ALG8: variants seen among roughly 807,000 people sequenced by gnomAD.
ALG8 encodes ALG8 alpha-1,3-glucosyltransferase, also known as dolichyl pyrophosphate Glc1Man9GlcNAc2 alpha-1,3-glucosyltransferase.
A neutral mutation model predicts 70.2 loss-of-function variants in ALG8; 48 were observed. That is an observed-to-expected ratio of 0.68 (90% confidence interval 0.54 to 0.87). The LOEUF (loss-of-function observed/expected upper bound fraction) is 0.87. Among genes scored for constraint, ALG8 ranks in the 40% least tolerant of loss-of-function variants. The probability of loss-of-function intolerance (pLI) is 0.00; values close to 1 mark genes in which losing one functional copy is unlikely to be tolerated. For synonymous variants in ALG8, 234 were observed against 229.0 expected (o/e 1.02, Z -0.20); for missense variants, 572 against 608.7 (o/e 0.94, Z 0.64).
chr11:78,105,715 T>C (rs972270307), intron 10 of ALG8, among the ~76,000 whole-genome samples: 1 of 124,756 alleles, frequency 8.0e-6, no homozygotes, highest in African/African-American at 2.6e-5. Context: ...CTTTTTTTTT[T>C]TTCTTTTTTT....
At chr11:78,127,801 C>T (rs1218425571) in intron 1 of ALG8, among the ~76,000 whole-genome samples, 2 of 151,762 alleles carry the variant, frequency 1.3e-5, no homozygotes, top group East Asian at 3.9e-4. Context: ...CTGCCGCCCC[C>T]CGGGTTCACG....
At chr11:78,136,373 G>A (rs532392344) in intron 1 of ALG8, among the ~76,000 whole-genome samples, 1 of 151,832 alleles carries the variant, frequency 6.6e-6, no homozygotes, top group Admixed American at 6.6e-5. Flanking sequence ...ATAATAGAGA[G>A]AGAAAGGAAA....
intron 1 of ALG8, among the ~76,000 whole-genome samples, chr11:78,130,827 T>C (rs962169301): frequency 6.6e-6 from 1 of 152,024 alleles, no homozygotes; most frequent in Non-Finnish European, 1.5e-5. Context: ...TTTTCTGAAA[T>C]TTTTTTAGAT....
intron 1 of ALG8, among the ~76,000 whole-genome samples, chr11:78,138,331 A>C (rs569746012): frequency 6.8e-6 from 1 of 147,382 alleles, no homozygotes; most frequent in East Asian, 2.0e-4. Context: ...CCTGGGTGAC[A>C]GAGTGGGACG....
At chr11:78,111,866 C>G (rs1860305733) in intron 8 of ALG8, among the ~76,000 whole-genome samples, 1 of 152,156 alleles carries the variant, frequency 6.6e-6, no homozygotes, top group East Asian at 1.9e-4. Context: ...AAACCATAGC[C>G]TGGGTTTTTC....
In ALG8 at chr11:78,113,878, A is replaced by AAAAAAT; in HGVS notation, c.777+7_777+8insATTTTT. ...TATTAATTGAAAAAAAAAAAAAAAA[A>AAAAAAT]GGCTTACCAAGGCCAGGAAAGGACC... On this transcript the variant is annotated splice_region_variant and intron_variant, in intron 7 of 12. Transcript: ENST00000299626. The AAAAAAT allele has an allele frequency of 6.5e-7, 1 of 1,539,152 alleles. No individual in the cohort carries two copies. The highest frequency in any genetic ancestry group is 8.8e-7 in the Non-Finnish European group (1 of 1,142,040).
intron 5 of ALG8, chr11:78,114,703 C>A: frequency 2.3e-6 from 1 of 431,038 alleles, no homozygotes; most frequent in South Asian, 1.8e-5. Context: ...TGGTGACTCA[C>A]ACCTGCAATC....
chr11:78,121,302 TTCCAA>T, intron 3 of ALG8, 128 bp from the exon 4 acceptor site: 1 of 740,836 alleles, frequency 1.3e-6, no homozygotes, highest in Non-Finnish European at 2.3e-6. Flanking sequence ...TTTTTTTTTT[TTCCAA>T]TTTTTCTTTT....
At chr11:78,134,743 A>C (rs1861469264) in intron 1 of ALG8, among the ~76,000 whole-genome samples, 1 of 152,216 alleles carries the variant, frequency 6.6e-6, no homozygotes, top group African/African-American at 2.4e-5. Flanking sequence ...TCATCCACTC[A>C]AGTTGTATCA....
At chr11:78,119,554 G>A (rs1042855432) in intron 4 of ALG8, among the ~76,000 whole-genome samples, 10 of 150,718 alleles carry the variant, frequency 6.6e-5, no homozygotes, top group African/African-American at 2.2e-4. Context: ...TCAGCCTCCC[G>A]AGTAGCTGGG....
In ALG8 at chr11:78,104,541, C is replaced by T. The variant is rs1028157496; in HGVS notation, c.1179-88G>A. On this transcript the variant is annotated intron_variant, in intron 10 of 12. Coordinates refer to ENST00000299626, the MANE Select transcript of ALG8 (RefSeq NM_024079.5). ...AACTGCATCTCCTATTACATTAGAACTGGCTGAGGCATAGAAGAACATGCT... is the reference window on the plus strand; with the variant it reads ...AACTGCATCTCCTATTACATTAGAATTGGCTGAGGCATAGAAGAACATGCT... 6.7e-6 allele frequency: 8 copies of T among 1,190,002 alleles called. No individual in the cohort carries two copies. The African/African-American group carries it at 1.1e-4, about 16-fold the overall frequency. 73.7% of individuals were successfully genotyped at this position (1,190,002 alleles called of 1,614,324 possible). A position where few individuals can be genotyped will look rare whatever the true frequency, so the allele number is the denominator to read the frequency against.
intron 5 of ALG8, among the ~76,000 whole-genome samples, chr11:78,117,218 T>TGGTTCTC (rs1294754647): frequency 1.3e-5 from 2 of 152,168 alleles, no homozygotes; most frequent in Non-Finnish European, 2.9e-5. Context: ...GAGGGTTAAA[T>TGGTTCTC]AACTTGCCTT....
chr11:78,107,014 G>C, intron 9 of ALG8, 68 bp from the exon 10 acceptor site: 1 of 1,576,562 alleles, frequency 6.3e-7, no homozygotes, highest in Admixed American at 1.7e-5. Context: ...CAGAGTTCAG[G>C]TGAATACAAT....
intron 8 of ALG8, among the ~76,000 whole-genome samples, chr11:78,110,176 G>A (rs1860219929): frequency 6.6e-6 from 1 of 151,674 alleles, no homozygotes; most frequent in African/African-American, 2.4e-5. Flanking sequence ...ATTTTCTTGT[G>A]AGCTCACTTT....
At chr11:78,139,413 A>G in intron 1 of ALG8, 81 bp downstream of exon 1, 4 of 1,327,146 alleles carry the variant, frequency 3.0e-6, no homozygotes, top group Non-Finnish European at 4.2e-6. Flanking sequence ...CTTCATACCC[A>G]GGGATATCCA....
chr11:78,101,323 G>C (rs1859787425), intron 12 of ALG8, 128 bp from the exon 13 acceptor site: 1 of 809,628 alleles, frequency 1.2e-6, no homozygotes, highest in Non-Finnish European at 2.0e-6. Flanking sequence ...CCAGAGTCAA[G>C]AGTATATTAA....
chr11:78,111,200 A>G (rs760176630), intron 8 of ALG8, among the ~76,000 whole-genome samples: 2 of 152,182 alleles, frequency 1.3e-5, no homozygotes, highest in Non-Finnish European at 2.9e-5. Flanking sequence ...AGGGCTCTGC[A>G]CTTACTACTT....
chr11:78,113,861 G>GAGAAAAAA, intron 7 of ALG8, 25 bp downstream of exon 7: 1 of 1,241,918 alleles, frequency 8.1e-7, no homozygotes, highest in Non-Finnish European at 1.1e-6. Context: ...TGTATTAATT[G>GAGAAAAAA]AAAAAAAAAA....
intron 5 of ALG8, among the ~76,000 whole-genome samples, chr11:78,115,158 G>A (rs1459972494): frequency 1.3e-5 from 2 of 151,334 alleles, no homozygotes; most frequent in African/African-American, 2.4e-5. Flanking sequence ...TCAGCCTCCC[G>A]AGTAGCTGGG....
Sources: allele counts gnomAD v4.1 joint callset (sites outside exome capture counted in the v4.1 genomes callset), GRCh38; gene constraint gnomAD v4.1.1; transcripts MANE v1.5; gene names NCBI Gene and HGNC (gene_info 2026-07-23, HGNC 2026-07-21).